The following ELP1 variants were observed in gnomAD, a reference collection of about 807,000 sequenced individuals.
The protein encoded by ELP1 is elongator complex protein 1.
ELP1 carries 131 observed loss-of-function variants against 183.2 expected under a neutral mutation model. That is an observed-to-expected ratio of 0.72 (90% confidence interval 0.62 to 0.83). The LOEUF (loss-of-function observed/expected upper bound fraction) is 0.83, where lower values mean the gene tolerates loss of function less well. Among genes scored for constraint, ELP1 ranks in the 40% least tolerant of loss-of-function variants. The pLI is 0.00. For synonymous variants in ELP1, 555 were observed against 569.0 expected, an observed-to-expected ratio of 0.98 and a Z score of 0.35; for missense variants, 1,550 against 1,594.9, an observed-to-expected ratio of 0.97 and a Z score of 0.48.
chr9:108,900,262 G>T lies in ELP1; in HGVS notation c.2128C>A (p.Gln710Lys). The T allele has an allele frequency of 6.2e-7, 1 of 1,608,874 alleles. No homozygotes were observed. Among genetic ancestry groups the T allele is most frequent in the Admixed American group, 1.7e-5 (1 of 60,018 alleles). ...TCTTGTCTGAAAAACCAGCTTACCT[G>T]TAATACAAGCTTTGTGTCCTGGGGC... The part of the protein sequence containing the change: ...VVPQDTKLVL[Q>K]MPRGNLEVVH... The change falls in exon 19 of 37, where the codon CAG (glutamine) becomes AAG (lysine). Residue 710 changes from glutamine (Q) to lysine (K), a missense_variant and splice_region_variant. Physicochemically the swap from Gln to Lys is moderately conservative, Grantham distance 53. Transcript: ENST00000374647.
intron 8 of ELP1, 93 bp from the exon 9 acceptor site, chr9:108,917,763 A>T: frequency 8.0e-7 from 1 of 1,252,786 alleles, no homozygotes; most frequent in Non-Finnish European, 1.2e-6. Flanking sequence ...GCAAACATGA[A>T]TGAATGAATG....
intron 25 of ELP1, among the ~76,000 whole-genome samples, chr9:108,894,433 G>A (rs977719698): frequency 2.6e-5 from 4 of 152,198 alleles, no homozygotes; most frequent in African/African-American, 9.7e-5. Flanking sequence ...AGGGCCAACT[G>A]TGTTTGAGAG....
intron 33 of ELP1, 56 bp from the exon 34 acceptor site, chr9:108,878,806 A>T: frequency 6.3e-7 from 1 of 1,595,498 alleles, no homozygotes; most frequent in Non-Finnish European, 8.6e-7. Flanking sequence ...GACTACAGGC[A>T]TGTGCTACCT....
At chr9:108,915,636 A>C (rs562302370) in intron 10 of ELP1, among the ~76,000 whole-genome samples, 1 of 152,142 alleles carries the variant, frequency 6.6e-6, no homozygotes, top group Admixed American at 6.5e-5. Context: ...AAATCTATCC[A>C]CACTCTATTA....
chr9:108,902,793 C>G, intron 16 of ELP1, 46 bp downstream of exon 16: 1 of 1,422,946 alleles, frequency 7.0e-7, no homozygotes. Context: ...GCCATCAGTC[C>G]CTGGGTAACT....
Position 108,916,286 on chromosome 9 carries a change from C to G in ELP1, c.876G>C (p.Leu292Phe), listed in dbSNP as rs1337015456. ...GCACAGAGGAATCTGCATTCCAGAG[C>G]AAGTCATTTACCTAGAAGGGAAAAA... ...FLKDEVKVND[L>F]LWNADSSVLA... is the part of the protein sequence containing the mutation. The change falls in exon 10 of 37, where the codon TTG becomes TTC. Residue 292 changes from leucine to phenylalanine, a missense_variant. Physicochemically the swap from Leu to Phe is conservative, Grantham distance 22. Transcript: ENST00000374647. 6.2e-7 allele frequency: 1 copy of G among 1,613,716 alleles called. No homozygotes were observed. The highest frequency in any genetic ancestry group is 1.7e-5 in the Admixed American group (1 of 60,020).
intron 6 of ELP1, among the ~76,000 whole-genome samples, chr9:108,921,358 T>C (rs550896432): frequency 6.6e-6 from 1 of 152,310 alleles, no homozygotes; most frequent in South Asian, 2.1e-4. Context: ...GATCATATTA[T>C]ATGTGATCTT....
chr9:108,884,681 A>T (rs2131957459), intron 29 of ELP1, among the ~76,000 whole-genome samples: 1 of 152,328 alleles, frequency 6.6e-6, no homozygotes, highest in East Asian at 1.9e-4. Flanking sequence ...ATGAAAACAA[A>T]ACATTTCAAA....
chr9:108,933,579 T>C (rs190220819), intron 1 of ELP1, among the ~76,000 whole-genome samples: 1 of 152,386 alleles, frequency 6.6e-6, no homozygotes, highest in East Asian at 1.9e-4. Flanking sequence ...GAATTAATAC[T>C]CTCGCTTTCA....
chr9:108,883,934 G>A (rs1320448976), intron 29 of ELP1, among the ~76,000 whole-genome samples: 1 of 151,640 alleles, frequency 6.6e-6, no homozygotes, highest in African/African-American at 2.4e-5. Context: ...TAACTATATT[G>A]GTAATCACAT....
In ELP1 at chr9:108,900,835, TACACGCCACACAC is replaced by T. The variant is rs1455119745; in HGVS notation, c.2015-473_2015-461del. Among the ~76,000 whole-genome samples the T allele has an allele frequency of 6.9e-5, 4 of 57,684 alleles. 1 individual carries two copies. Among genetic ancestry groups the T allele is most frequent in the Middle Eastern group, 0.013 (1 of 78 alleles). The allele number at this position is 57,684 out of a possible 152,430, so 37.8% of individuals were successfully genotyped here. The stretch of plus-strand genomic sequence containing the variant: ...CACACACATACACGCCACACACACA[TACACGCCACACAC>T]ACATACACGCCACACACACATACAC... On this transcript the variant is annotated intron_variant, in intron 18 of 36. Coordinates refer to ENST00000374647, the MANE Select transcript of ELP1 (RefSeq NM_003640.5).
intron 14 of ELP1, 65 bp downstream of exon 14, chr9:108,906,238 T>A: frequency 6.6e-7 from 1 of 1,526,206 alleles, no homozygotes; most frequent in East Asian, 2.3e-5. Context: ...AGTTGTATGC[T>A]CATAAAAGAC....
In ELP1 at chr9:108,916,204, C is replaced by T. The variant is rs145866678; in HGVS notation, c.958G>A (p.Val320Ile). 6.2e-7 allele frequency: 1 copy of T among 1,612,772 alleles called. No individual in the cohort carries two copies. The highest frequency in any genetic ancestry group is 8.5e-7 in the Non-Finnish European group (1 of 1,178,874). The part of the protein sequence containing the change: ...REESSIPKTC[V>I]QLWTVGNYHW... ...GGCTGGGGTACTACAGCTGTCTTACCACAGGTTTTCGGAATGGAGCTTTCT... is the reference window on the plus strand; with the variant it reads ...GGCTGGGGTACTACAGCTGTCTTACTACAGGTTTTCGGAATGGAGCTTTCT... The change falls in exon 10 of 37, where the codon GTT becomes ATT. Residue 320 changes from valine (V) to isoleucine (I), a missense_variant and splice_region_variant. Transcript: ENST00000374647.
chr9:108,900,411 A>G (rs1230534752), intron 18 of ELP1, 36 bp from the exon 19 acceptor site: 1 of 1,402,316 alleles, frequency 7.1e-7, no homozygotes, highest in East Asian at 2.3e-5. Context: ...CTTAATTATC[A>G]CAACAAGCCA....
At position 108,891,259 on chromosome 9, in the gene ELP1, G is replaced by A. The variant is rs1211729866; in HGVS notation, c.3104C>T (p.Ala1035Val). Residue 1035 changes from alanine to valine, a missense_variant, in exon 28 of 37, where the codon GCA becomes GTA. Transcript: ENST00000374647. ...CGNWKQALCV[A>V]AQLNFTKDQL... ...GTCTTTGGTAAAGTTAAGCTGGGCT[G>A]CCACACAGAGGGCTTGCTTCCAGTT... 1 of 1,614,224 alleles carries A rather than the reference G, an allele frequency of 6.2e-7. No homozygotes were observed. Among genetic ancestry groups the A allele is most frequent in the Admixed American group, 1.7e-5 (1 of 60,030 alleles).
chr9:108,878,546 T>G, intron 34 of ELP1, 77 bp downstream of exon 34: 1 of 1,582,666 alleles, frequency 6.3e-7, no homozygotes, highest in South Asian at 1.1e-5. Context: ...CTTAATCACC[T>G]ACTGAACTCT....
chr9:108,876,000 T>C (rs10816753), intron 35 of ELP1, among the ~76,000 whole-genome samples: 61,355 of 152,074 alleles, frequency 0.4, 14,858 homozygotes, highest in African/African-American at 0.68. Context: ...AAGCCGGGCA[T>C]GGTGGCTGAT....
chr9:108,924,858 G>A (rs1050632815), intron 5 of ELP1, among the ~76,000 whole-genome samples: 1 of 152,142 alleles, frequency 6.6e-6, no homozygotes, highest in African/African-American at 2.4e-5. Flanking sequence ...AACACCTGAG[G>A]TTCTGGCTGG....
chr9:108,889,356 G>A lies in ELP1; in HGVS notation c.3198C>T (p.Ala1066=), dbSNP rs1344258480. 1 of 1,614,000 alleles carries A rather than the reference G, an allele frequency of 6.2e-7. No homozygotes were observed. The highest frequency in any genetic ancestry group is 1.3e-5 in the African/African-American group (1 of 74,926). The change falls in exon 29 of 37, where the codon GCC becomes GCT. Residue 1066 remains alanine, a synonymous_variant. Transcript: ENST00000374647. The part of the protein sequence containing the change: ...LVEQRKHIDA[A]MVLEECAQDY... ...CCTGGGCACACTCTTCCAAAACCAT[G>A]GCCGCATCAATGTGCTTCCTCTGCT... is the stretch of plus-strand genomic sequence containing the variant.
Sources: gnomAD v4.1 joint callset for allele counts (sites outside exome capture counted in the v4.1 genomes callset) on GRCh38, gnomAD v4.1.1 for gene constraint, MANE v1.5 for transcripts, NCBI Gene and HGNC (gene_info 2026-07-23, HGNC 2026-07-21) for gene names.